The following AGBL4 variants were observed in gnomAD, a reference collection of about 807,000 sequenced individuals.
AGBL4 encodes AGBL carboxypeptidase 4, also known as cytosolic carboxypeptidase 6.
Under a neutral mutation model 66.4 loss-of-function variants are expected in AGBL4, and 58 were observed. That is an observed-to-expected ratio of 0.87 (90% CI 0.71 to 1.09). The LOEUF (loss-of-function observed/expected upper bound fraction) is 1.09. Ranked by LOEUF, AGBL4 falls within the 50% of genes least tolerant of loss-of-function variation. AGBL4 has a pLI of 0.00. For synonymous variants in AGBL4, 234 were observed against 222.9 expected (o/e 1.05, Z -0.44); for missense variants, 579 against 631.0 (o/e 0.92, Z 0.88).
chr1:49,915,161 C>T (rs546232690), intron 1 of AGBL4, among the ~76,000 whole-genome samples: 29 of 152,242 alleles, frequency 1.9e-4, no homozygotes, highest in African/African-American at 5.8e-4. Flanking sequence ...GCGTGAGCAA[C>T]GCAGAAGACA....
At chr1:49,747,858 AT>A (rs1215711512) in intron 2 of AGBL4, among the ~76,000 whole-genome samples, 3 of 151,930 alleles carry the variant, frequency 2.0e-5, no homozygotes, top group Non-Finnish European at 4.4e-5. Context: ...CAATAAATTT[AT>A]TTTTTATCTA....
chr1:49,653,835 A>C (rs1478485990), intron 3 of AGBL4, among the ~76,000 whole-genome samples: 1 of 151,968 alleles, frequency 6.6e-6, no homozygotes, highest in Non-Finnish European at 1.5e-5. Flanking sequence ...AAAAAGACTG[A>C]ACGTACGACT....
chr1:49,750,320 C>G (rs967395533), intron 2 of AGBL4, among the ~76,000 whole-genome samples: 1 of 152,034 alleles, frequency 6.6e-6, no homozygotes, highest in Admixed American at 6.6e-5. Flanking sequence ...ATATGGCTAG[C>G]CAGTTTTCCC....
At chr1:48,595,436 G>C (rs1158644071) in intron 9 of AGBL4, among the ~76,000 whole-genome samples, 1 of 152,220 alleles carries the variant, frequency 6.6e-6, no homozygotes, top group Non-Finnish European at 1.5e-5. Flanking sequence ...AGTAAAACCA[G>C]GTACTTTTCT....
intron 3 of AGBL4, among the ~76,000 whole-genome samples, chr1:49,665,485 A>G (rs1646347525): frequency 6.6e-6 from 1 of 152,126 alleles, no homozygotes; most frequent in Non-Finnish European, 1.5e-5. Flanking sequence ...GTGAGGCTTT[A>G]TATTATCTAT....
intron 3 of AGBL4, among the ~76,000 whole-genome samples, chr1:49,311,575 T>G (rs547033886): frequency 1.3e-5 from 2 of 152,092 alleles, no homozygotes; most frequent in South Asian, 4.1e-4. Flanking sequence ...AGCATTTACA[T>G]AAATAAAGTT....
At chr1:48,728,359 T>A (rs1420940462) in intron 6 of AGBL4, among the ~76,000 whole-genome samples, 2 of 150,258 alleles carry the variant, frequency 1.3e-5, no homozygotes, top group East Asian at 3.9e-4. Context: ...ATAACCATTC[T>A]CCTGAACTTT....
chr1:49,746,887 C>A (rs1465427625), intron 2 of AGBL4, among the ~76,000 whole-genome samples: 1 of 151,932 alleles, frequency 6.6e-6, no homozygotes, highest in Non-Finnish European at 1.5e-5. Context: ...GATGATAAAC[C>A]AAAGGATATG....
intron 3 of AGBL4, among the ~76,000 whole-genome samples, chr1:49,334,868 C>T (rs139665558): frequency 5.1e-4 from 78 of 152,290 alleles, no homozygotes; most frequent in African/African-American, 1.9e-3. Flanking sequence ...CTACCACAAG[C>T]AGATTTTATT....
intron 3 of AGBL4, among the ~76,000 whole-genome samples, chr1:49,531,719 T>TCACA (rs1651156012): frequency 6.6e-6 from 1 of 152,058 alleles, no homozygotes; most frequent in Non-Finnish European, 1.5e-5. Context: ...TTTATCAAAG[T>TCACA]CACACATCTG....
At chr1:49,915,846 A>C (rs917460329) in intron 1 of AGBL4, among the ~76,000 whole-genome samples, 14 of 152,142 alleles carry the variant, frequency 9.2e-5, no homozygotes, top group African/African-American at 3.4e-4. Flanking sequence ...ATAGGGGCAG[A>C]CTGACACCTC....
intron 6 of AGBL4, among the ~76,000 whole-genome samples, chr1:48,696,140 T>C (rs1646710664): frequency 6.6e-6 from 1 of 152,132 alleles, no homozygotes; most frequent in Non-Finnish European, 1.5e-5. Flanking sequence ...ATATTAGAGA[T>C]ATTTTATCTC....
At chr1:49,785,065 C>T (rs1186794441) in intron 2 of AGBL4, among the ~76,000 whole-genome samples, 1 of 151,846 alleles carries the variant, frequency 6.6e-6, no homozygotes, top group Non-Finnish European at 1.5e-5. Flanking sequence ...AGCAAAGTGG[C>T]AACTTAATAA....
intron 6 of AGBL4, among the ~76,000 whole-genome samples, chr1:48,797,103 T>C (rs1645695865): frequency 2.0e-5 from 3 of 152,228 alleles, no homozygotes; most frequent in East Asian, 1.9e-4. Context: ...GTGTAGAGAA[T>C]AGAAACTCAG....
At chr1:49,383,808 T>A (rs1042329043) in intron 3 of AGBL4, among the ~76,000 whole-genome samples, 16 of 150,552 alleles carry the variant, frequency 1.1e-4, no homozygotes, top group African/African-American at 2.9e-4. Flanking sequence ...TATATATTTT[T>A]TTTTTTTGAG....
chr1:49,694,704 G>A (rs932057788), intron 3 of AGBL4, among the ~76,000 whole-genome samples: 6 of 152,190 alleles, frequency 3.9e-5, no homozygotes, highest in East Asian at 3.9e-4. Flanking sequence ...GTATAGCTTC[G>A]ACATGTAATA....
intron 4 of AGBL4, among the ~76,000 whole-genome samples, chr1:49,161,176 ACTCTGTAGG>A (rs1557690310): frequency 6.6e-6 from 1 of 151,938 alleles, no homozygotes; most frequent in Non-Finnish European, 1.5e-5. Flanking sequence ...CAGGGCGCCT[ACTCTGTAGG>A]CACTGGAGGG....
intron 4 of AGBL4, among the ~76,000 whole-genome samples, chr1:49,170,128 C>G (rs1017202359): frequency 1.3e-5 from 2 of 148,616 alleles, no homozygotes; most frequent in Non-Finnish European, 3.0e-5. Context: ...ACCCCAAAAG[C>G]TAATGAAATA....
chr1:49,976,812 A>G (rs1658594429), intron 1 of AGBL4, among the ~76,000 whole-genome samples: 1 of 152,198 alleles, frequency 6.6e-6, no homozygotes, highest in South Asian at 2.1e-4. Flanking sequence ...TCCATCCCTG[A>G]CGCAGTCCTC....
Sources: gnomAD v4.1 joint callset for allele counts (sites outside exome capture counted in the v4.1 genomes callset) on GRCh38, gnomAD v4.1.1 for gene constraint, MANE v1.5 for transcripts, NCBI Gene and HGNC (gene_info 2026-07-23, HGNC 2026-07-21) for gene names.